Variants in OSBPL9 observed in about 807,000 individuals in gnomAD.
OSBPL9 encodes the protein oxysterol-binding protein-related protein 9.
In OSBPL9, 40 loss-of-function variants were observed where a neutral mutation model predicts 106.6. The observed-to-expected ratio is 0.38, with a 90% CI of 0.29 to 0.49. OSBPL9 has a LOEUF of 0.49. Ranked by LOEUF, OSBPL9 falls within the 20% of genes least tolerant of loss-of-function variation. The probability of loss-of-function intolerance (pLI) is 0.97; values close to 1 mark genes in which losing one functional copy is unlikely to be tolerated. For missense variants in OSBPL9, 609 were observed against 887.2 expected (o/e 0.69, Z 3.98); for synonymous variants, 269 against 295.4 (o/e 0.91, Z 0.92).
chr1:51,775,223 T>C (rs574850225), intron 14 of OSBPL9, among the ~76,000 whole-genome samples: 2 of 152,216 alleles, frequency 1.3e-5, no homozygotes, highest in African/African-American at 2.4e-5. Flanking sequence ...GTTACAGTCT[T>C]AGTGTCCCTT....
the OSBPL9 span, among the ~76,000 whole-genome samples, chr1:51,545,140 G>A: frequency 4.6e-5 from 7 of 151,876 alleles, no homozygotes; most frequent in East Asian, 1.9e-4. Flanking sequence ...CACCACATCC[G>A]ACCCAGAGAC....
the OSBPL9 span, among the ~76,000 whole-genome samples, chr1:51,541,761 C>T: frequency 6.6e-6 from 1 of 152,194 alleles, no homozygotes; most frequent in South Asian, 2.1e-4. Flanking sequence ...CAAGGCCTCA[C>T]TTAAGGGCTG....
intron 1 of OSBPL9, among the ~76,000 whole-genome samples, chr1:51,627,509 C>T (rs1163538664): frequency 3.0e-5 from 4 of 134,532 alleles, no homozygotes; most frequent in Non-Finnish European, 5.3e-5. Context: ...TCTGTACTTA[C>T]GCCTGTACTA....
intron 3 of OSBPL9, among the ~76,000 whole-genome samples, chr1:51,684,731 A>G (rs1213298544): frequency 6.6e-6 from 1 of 152,072 alleles, no homozygotes; most frequent in Non-Finnish European, 1.5e-5. Context: ...ACAGGGTTTT[A>G]CCATGTTGAC....
At chr1:51,745,479 G>A in intron 4 of OSBPL9, 57 bp from the exon 5 acceptor site, 1 of 1,570,268 alleles carries the variant, frequency 6.4e-7, no homozygotes, top group Admixed American at 1.9e-5. Flanking sequence ...AGTATTTTTT[G>A]TACTATTAAA....
At chr1:51,595,510 C>A (rs1645295088) in intron 1 of OSBPL9, among the ~76,000 whole-genome samples, 2 of 152,234 alleles carry the variant, frequency 1.3e-5, no homozygotes, top group South Asian at 4.1e-4. Context: ...TCAGGGAAGG[C>A]TTCCTGAAGA....
At position 51,712,169 on chromosome 1, in the gene OSBPL9, G is replaced by T. The variant is rs571574297; in HGVS notation, c.242-1834G>T. On this transcript the variant is annotated intron_variant, in intron 3 of 23. Transcript: ENST00000428468. ...ACTCCGTCTGCAATCCCGGCACCTC[G>T]GGAGGCCGAGGCTGGCGGATCACTC... Among the ~76,000 whole-genome samples the T allele has an allele frequency of 4.4e-3, 665 of 152,322 alleles. 5 individuals carry two copies. The highest frequency in any genetic ancestry group is 0.015 in the African/African-American group (630 of 41,562).
intron 14 of OSBPL9, among the ~76,000 whole-genome samples, chr1:51,774,237 C>T (rs182216265): frequency 6.6e-6 from 1 of 152,220 alleles, no homozygotes; most frequent in Non-Finnish European, 1.5e-5. Flanking sequence ...TTGCCACAAT[C>T]AAGTTTGTAA....
At chr1:51,640,927 G>A (rs1645753476) in intron 1 of OSBPL9, among the ~76,000 whole-genome samples, 1 of 151,682 alleles carries the variant, frequency 6.6e-6, no homozygotes, top group Non-Finnish European at 1.5e-5. Flanking sequence ...AGGATTACAG[G>A]TGTGTGCCAC....
At chr1:51,704,191 G>T (rs948386581) in intron 3 of OSBPL9, among the ~76,000 whole-genome samples, 1 of 152,142 alleles carries the variant, frequency 6.6e-6, no homozygotes, top group Admixed American at 6.5e-5. Flanking sequence ...CTATTGATTG[G>T]AATAGTTTCA....
chr1:51,783,187 A>T (rs545969356), intron 17 of OSBPL9, among the ~76,000 whole-genome samples: 92 of 151,764 alleles, frequency 6.1e-4, no homozygotes, highest in African/African-American at 2.2e-3. Flanking sequence ...GTATTTTTAA[A>T]TTTTTTCTTT....
chr1:51,772,475 C>T, intron 13 of OSBPL9, 130 bp from the exon 14 acceptor site: 1 of 792,746 alleles, frequency 1.3e-6, no homozygotes. Context: ...AAGATCGTGC[C>T]ATTGCACTCC....
At chr1:51,661,436 G>A (rs1647144974) in intron 2 of OSBPL9, among the ~76,000 whole-genome samples, 1 of 152,182 alleles carries the variant, frequency 6.6e-6, no homozygotes, top group South Asian at 2.1e-4. Context: ...AACGAAAAGA[G>A]AGAAAGTCAG....
chr1:51,690,845 A>G (rs1654805429), intron 3 of OSBPL9, among the ~76,000 whole-genome samples: 1 of 152,224 alleles, frequency 6.6e-6, no homozygotes, highest in Admixed American at 6.5e-5. Flanking sequence ...CAGTTTCATC[A>G]TTGTGCCAAC....
chr1:51,551,967 ATGTGTG>A, the OSBPL9 span, among the ~76,000 whole-genome samples: 13 of 145,100 alleles, frequency 9.0e-5, no homozygotes, highest in Non-Finnish European at 1.5e-4. Context: ...GTGAATAGAA[ATGTGTG>A]TGTGTGTGTG....
the OSBPL9 span, among the ~76,000 whole-genome samples, chr1:51,550,420 T>G: frequency 6.6e-6 from 1 of 152,254 alleles, no homozygotes; most frequent in Non-Finnish European, 1.5e-5. Flanking sequence ...TGTTAAGTGC[T>G]TGATACATCT....
intron 4 of OSBPL9, 69 bp from the exon 5 acceptor site, chr1:51,745,467 A>G (rs1288553726): frequency 6.4e-7 from 1 of 1,556,772 alleles, no homozygotes; most frequent in Admixed American, 2.0e-5. Flanking sequence ...TATGAAGGGA[A>G]AAGTATTTTT....
At chr1:51,573,555 C>T (rs1296859383), upstream of OSBPL9, among the ~76,000 whole-genome samples, 1 of 146,854 alleles carries the variant, frequency 6.8e-6, no homozygotes, top group Non-Finnish European at 1.5e-5. Flanking sequence ...GTGGTTCACA[C>T]CTGTAATCCC....
chr1:51,691,289 T>TC (rs1182998316), intron 3 of OSBPL9, among the ~76,000 whole-genome samples: 1 of 145,930 alleles, frequency 6.9e-6, no homozygotes, highest in Non-Finnish European at 1.5e-5. Context: ...TTTTTTTTTT[T>TC]TTTTTTTTGA....
Sources: gnomAD v4.1 joint callset for allele counts (sites outside exome capture counted in the v4.1 genomes callset) on GRCh38, gnomAD v4.1.1 for gene constraint, MANE v1.5 for transcripts, NCBI Gene and HGNC (gene_info 2026-07-23, HGNC 2026-07-21) for gene names.